WWOX: variants seen among roughly 807,000 people sequenced by gnomAD.
WWOX encodes WW domain-containing oxidoreductase.
WWOX carries 69 observed loss-of-function variants against 46.2 expected under a neutral mutation model. That is an observed-to-expected ratio of 1.49 (90% CI 1.23 to 1.82). The LOEUF is 1.82. WWOX is among the 40% of genes most tolerant of loss of function. The pLI is 0.00. For missense variants in WWOX, 919 were observed against 542.6 expected (o/e 1.69, Z -6.89); for synonymous variants, 359 against 202.6 (o/e 1.77, Z -6.56).
intron 5 of WWOX, among the ~76,000 whole-genome samples, chr16:78,308,797 C>G (rs189352573): frequency 6.6e-6 from 1 of 152,154 alleles, no homozygotes; most frequent in African/African-American, 2.4e-5. Flanking sequence ...TATCTTAACC[C>G]AGATAGTCCT....
At chr16:78,981,530 C>T (rs770266065) in intron 8 of WWOX, among the ~76,000 whole-genome samples, 67 of 152,020 alleles carry the variant, frequency 4.4e-4, no homozygotes, top group African/African-American at 1.1e-3. Flanking sequence ...CTCCACTTTC[C>T]GGGTTCAGGT....
intron 5 of WWOX, among the ~76,000 whole-genome samples, chr16:78,373,256 T>G (rs542194084): frequency 6.6e-6 from 1 of 152,216 alleles, no homozygotes; most frequent in Non-Finnish European, 1.5e-5. Flanking sequence ...CAAAAGTCTT[T>G]CAGTGTAAAG....
At chr16:78,502,213 A>G (rs549868401) in intron 8 of WWOX, among the ~76,000 whole-genome samples, 3 of 152,234 alleles carry the variant, frequency 2.0e-5, no homozygotes, top group African/African-American at 7.2e-5. Flanking sequence ...CTACCATATA[A>G]TTCATCTGCT....
intron 8 of WWOX, among the ~76,000 whole-genome samples, chr16:78,935,866 C>T (rs920341504): frequency 6.6e-6 from 1 of 151,978 alleles, no homozygotes; most frequent in Admixed American, 6.6e-5. Flanking sequence ...GAGCTCACAT[C>T]ACACCACTGC....
At chr16:78,693,723 G>A (rs186515530) in intron 8 of WWOX, among the ~76,000 whole-genome samples, 2 of 152,190 alleles carry the variant, frequency 1.3e-5, no homozygotes, top group Admixed American at 1.3e-4. Flanking sequence ...TATTGCACAG[G>A]GTGGCCCTTA....
chr16:78,974,233 A>G (rs2046527987), intron 8 of WWOX, among the ~76,000 whole-genome samples: 1 of 152,206 alleles, frequency 6.6e-6, no homozygotes, highest in Non-Finnish European at 1.5e-5. Context: ...ATTCTTTTGG[A>G]TTTGTGTTAG....
intron 8 of WWOX, among the ~76,000 whole-genome samples, chr16:78,468,264 C>CTTTT (rs57174158): frequency 7.3e-6 from 1 of 136,684 alleles, no homozygotes; most frequent in Non-Finnish European, 1.6e-5. Context: ...GGCTGCCTTT[C>CTTTT]TTTTTTTTTT....
At chr16:78,273,703 T>C (rs1158761477) in intron 5 of WWOX, among the ~76,000 whole-genome samples, 2 of 152,162 alleles carry the variant, frequency 1.3e-5, no homozygotes, top group Admixed American at 6.5e-5. Context: ...TGATAGATAC[T>C]TGGTAAAATC....
chr16:79,021,635 G>A (rs1274647934), intron 8 of WWOX, among the ~76,000 whole-genome samples: 1 of 152,116 alleles, frequency 6.6e-6, no homozygotes, highest in Non-Finnish European at 1.5e-5. Context: ...AAATATCTGT[G>A]ATTTCGATTG....
At chr16:79,171,695 C>T (rs908788802) in intron 8 of WWOX, among the ~76,000 whole-genome samples, 7 of 152,164 alleles carry the variant, frequency 4.6e-5, no homozygotes. Context: ...GCTTTTTTAT[C>T]ATCCAATCAG....
chr16:79,138,608 C>T (rs1226287031), intron 8 of WWOX, among the ~76,000 whole-genome samples: 1 of 152,198 alleles, frequency 6.6e-6, no homozygotes, highest in Non-Finnish European at 1.5e-5. Flanking sequence ...GTAAGTTTAC[C>T]TGTGCCAGGG....
chr16:78,549,264 C>T lies in WWOX; in HGVS notation c.1056+116512C>T, dbSNP rs112554842. ...CCTGCCAGCCACGAATAGATTCATTCTTCACGTCTCAGATATATAAAGCTT... is the reference window on the plus strand; with the variant it reads ...CCTGCCAGCCACGAATAGATTCATTTTTCACGTCTCAGATATATAAAGCTT... On this transcript the variant is annotated intron_variant, in intron 8 of 8. Transcript: ENST00000566780. Among the ~76,000 whole-genome samples the T allele has an allele frequency of 2.7e-4, 41 of 152,298 alleles. 1 individual carries two copies. Among genetic ancestry groups the T allele is most frequent in the African/African-American group, 9.6e-4 (40 of 41,562 alleles).
At chr16:78,750,722 C>T (rs1263293080) in intron 8 of WWOX, among the ~76,000 whole-genome samples, 1 of 152,144 alleles carries the variant, frequency 6.6e-6, no homozygotes, top group Non-Finnish European at 1.5e-5. Flanking sequence ...TGAGCTTCGA[C>T]TTGTAAGTAA....
intron 8 of WWOX, among the ~76,000 whole-genome samples, chr16:79,147,992 G>C (rs2050211086): frequency 1.3e-5 from 2 of 151,826 alleles, no homozygotes; most frequent in Non-Finnish European, 2.9e-5. Context: ...TTGGATATGT[G>C]GTTTGCAAAT....
At chr16:78,439,917 C>T (rs1026112717) in intron 8 of WWOX, among the ~76,000 whole-genome samples, 2 of 152,214 alleles carry the variant, frequency 1.3e-5, no homozygotes, top group African/African-American at 4.8e-5. Context: ...TGAGGCTCCT[C>T]ATTGCATGCC....
chr16:78,440,277 A>G (rs571671719), intron 8 of WWOX, among the ~76,000 whole-genome samples: 1 of 152,314 alleles, frequency 6.6e-6, no homozygotes, highest in South Asian at 2.1e-4. Flanking sequence ...GTCCCCATCC[A>G]CTTGACCCAC....
In WWOX at chr16:78,844,644, C is replaced by T. The variant is rs575184921; in HGVS notation, c.1057-366964C>T. Among the ~76,000 whole-genome samples the T allele has an allele frequency of 5.9e-5, 9 of 152,096 alleles. No homozygotes were observed. In the South Asian group the frequency reaches 6.2e-4, roughly 11 times the overall value. ...ATAAATCATACAGTCAAATAATTTC[C>T]GTGCAATTAATATCCTCAAATTAAA... On this transcript the variant is annotated intron_variant, in intron 8 of 8. Coordinates refer to ENST00000566780, the MANE Select transcript of WWOX (RefSeq NM_016373.4).
At chr16:78,729,806 C>A (rs1020328380) in intron 8 of WWOX, among the ~76,000 whole-genome samples, 1 of 152,158 alleles carries the variant, frequency 6.6e-6, no homozygotes, top group African/African-American at 2.4e-5. Flanking sequence ...GGATTTGAAC[C>A]TACAGTTTTG....
chr16:78,536,390 A>G (rs774221123), intron 8 of WWOX, among the ~76,000 whole-genome samples: 1 of 151,764 alleles, frequency 6.6e-6, no homozygotes, highest in South Asian at 2.1e-4. Flanking sequence ...GGCATCCAAG[A>G]TAATGTAATC....
Sources: gnomAD v4.1 joint callset for allele counts (sites outside exome capture counted in the v4.1 genomes callset) on GRCh38, gnomAD v4.1.1 for gene constraint, MANE v1.5 for transcripts, NCBI Gene and HGNC (gene_info 2026-07-23, HGNC 2026-07-21) for gene names.